USP1: variants seen among roughly 807,000 people sequenced by gnomAD.
The protein encoded by USP1 is ubiquitin carboxyl-terminal hydrolase 1.
A neutral mutation model predicts 72.2 loss-of-function variants in USP1; 18 were observed. The observed-to-expected ratio is 0.25, with a 90% CI of 0.17 to 0.37. USP1 has a LOEUF of 0.37. Among genes scored for constraint, USP1 ranks in the 10% least tolerant of loss-of-function variants. The pLI is 1.00. For missense variants in USP1, 759 were observed against 884.9 expected (o/e 0.86, Z 1.81); for synonymous variants, 354 against 303.7 (o/e 1.17, Z -1.72).
At position 62,447,625 on chromosome 1, in the gene USP1, G is replaced by C. The variant is rs1331415238; in HGVS notation, c.1420+114G>C. 4.4e-6 allele frequency: 5 copies of C among 1,138,072 alleles called. No individual in the cohort carries two copies. The East Asian group carries it at 1.0e-4, about 23-fold the overall frequency. The allele number at this position is 1,138,072 out of a possible 1,614,324, so 70.5% of individuals were successfully genotyped here. Reference sequence around the variant, plus strand: ...GGGAGGGGAAAAAAGCTAGCTTTTAGTGTCTAATGTAACCTTTCTGCTTAT... The same window carrying C: ...GGGAGGGGAAAAAAGCTAGCTTTTACTGTCTAATGTAACCTTTCTGCTTAT... On this transcript the variant is annotated intron_variant, in intron 7 of 8. Transcript: ENST00000339950.
chr1:62,442,715 A>G (rs79818087), intron 4 of USP1, among the ~76,000 whole-genome samples: 4,777 of 152,322 alleles, frequency 0.031, 245 homozygotes, highest in East Asian at 0.27. Flanking sequence ...AAATTACAAA[A>G]AAGACCAGAC....
chr1:62,450,168 C>A, intron 8 of USP1, 78 bp from the exon 9 acceptor site: 1 of 1,506,188 alleles, frequency 6.6e-7, no homozygotes, highest in Non-Finnish European at 8.9e-7. Context: ...CAGATTTTTA[C>A]TTGGTTTCAG....
In USP1 at chr1:62,444,719, T is replaced by C; in HGVS notation, c.558-19T>C. ...ATCTTCAAAACTAGAATAGATGAAATGGAAATTTTTATTTATAGGGAACTC... is the reference window on the plus strand; with the variant it reads ...ATCTTCAAAACTAGAATAGATGAAACGGAAATTTTTATTTATAGGGAACTC... On this transcript the variant is annotated intron_variant, in intron 5 of 8. Transcript: ENST00000339950. 1 of 1,503,602 alleles carries C rather than the reference T, an allele frequency of 6.7e-7. No individual in the cohort carries two copies. The highest frequency in any genetic ancestry group is 1.5e-5 in the South Asian group (1 of 68,520). 93.1% of individuals were successfully genotyped at this position (1,503,602 alleles called of 1,614,324 possible).
chr1:62,449,447 A>G (rs1645198545), intron 8 of USP1, among the ~76,000 whole-genome samples: 1 of 152,168 alleles, frequency 6.6e-6, no homozygotes, highest in Non-Finnish European at 1.5e-5. Context: ...TCCTTTGTAC[A>G]TTAGTTGCTT....
chr1:62,446,080 A>C (rs11207969), intron 6 of USP1, among the ~76,000 whole-genome samples: 1 of 152,032 alleles, frequency 6.6e-6, no homozygotes, highest in Non-Finnish European at 1.5e-5. Context: ...AAACTGATGA[A>C]GGACATTGCA....
At chr1:62,443,007 AAAT>A in intron 4 of USP1, 149 bp from the exon 5 acceptor site, 1 of 840,088 alleles carries the variant, frequency 1.2e-6, no homozygotes, top group Non-Finnish European at 1.8e-6. Context: ...CAAAATAAAA[AAAT>A]AAAAAATAAG....
In USP1 at chr1:62,444,931, A is replaced by G. The variant is rs1227288892; in HGVS notation, c.751A>G (p.Met251Val). ...EEMNGINSIE[M>V]DSMRHSEDFK... ...AATGAATGGTATTAACAGCATAGAG[A>G]TGGACAGTATGAGGCATTCTGAAGA... The change falls in exon 6 of 9, where the codon ATG becomes GTG. Residue 251 changes from methionine (M) to valine (V), a missense_variant. Around this residue, in one of 9 missense-constraint regions of USP1, gnomAD observed 245 missense variants for 240.7 expected, o/e 1.02. Transcript: ENST00000339950. The G allele has an allele frequency of 6.2e-7, 1 of 1,613,828 alleles. No individual in the cohort carries two copies. The highest frequency in any genetic ancestry group is 8.5e-7 in the Non-Finnish European group (1 of 1,179,868).
Position 62,445,396 on chromosome 1 carries a change from G to T in USP1, c.1216G>T (p.Val406Leu). 6.3e-7 allele frequency: 1 copy of T among 1,583,678 alleles called. No individual in the cohort carries two copies. Among genetic ancestry groups the T allele is most frequent in the Non-Finnish European group, 8.6e-7 (1 of 1,168,270 alleles). ...ATCTCCAGGAAATACTGTTACACCT[G>T]TAAATGTTAATGAAGTTAAACCCAT... is the stretch of plus-strand genomic sequence containing the variant. ...LESPGNTVTPVNVNEVKPINK... is the reference protein window; with the variant it reads ...LESPGNTVTPLNVNEVKPINK... The change falls in exon 6 of 9, where the codon GTA (valine) becomes TTA (leucine). Residue 406 changes from valine to leucine, a missense_variant. Transcript: ENST00000339950.
chr1:62,441,751 A>G (rs1196161098), intron 3 of USP1, 143 bp downstream of exon 3: 1 of 1,020,252 alleles, frequency 9.8e-7, no homozygotes, highest in Non-Finnish European at 1.4e-6. Context: ...GGCTAAAATA[A>G]TAAGTTACAT....
intron 2 of USP1, 92 bp downstream of exon 2, chr1:62,440,129 G>C: frequency 7.5e-6 from 9 of 1,200,730 alleles, no homozygotes; most frequent in Non-Finnish European, 9.9e-6. Context: ...ATAGTCTGTA[G>C]CGGCACAAAA....
At chr1:62,439,654 T>C (rs1031820416) in intron 1 of USP1, 145 bp from the exon 2 acceptor site, 4 of 415,438 alleles carry the variant, frequency 9.6e-6, no homozygotes, top group Admixed American at 4.4e-5. Context: ...GCAATAAATA[T>C]TGAGTGCTTA....
In USP1 at chr1:62,451,008, A is replaced by G; in HGVS notation, c.*27A>G. 1.3e-6 allele frequency: 2 copies of G among 1,531,044 alleles called. No homozygotes were observed. The highest frequency in any genetic ancestry group is 1.4e-5 in the African/African-American group (1 of 72,212). The allele number at this position is 1,531,044 out of a possible 1,614,324, so 94.8% of individuals were successfully genotyped here. On this transcript the variant is annotated 3_prime_UTR_variant, in exon 9 of 9. Coordinates refer to ENST00000339950, the MANE Select transcript of USP1 (RefSeq NM_003368.5). ...GTGAGTGTATTTTCCTTGTGTATAT[A>G]TTAAACACACCCATACAAACATTGG...
In USP1 at chr1:62,451,000, G is replaced by T. The variant is rs1645212604; in HGVS notation, c.*19G>T. The T allele has an allele frequency of 2.6e-6, 4 of 1,550,392 alleles. No individual in the cohort carries two copies. Among genetic ancestry groups the T allele is most frequent in the Non-Finnish European group, 3.5e-6 (4 of 1,157,682 alleles). ...ATTATAGAGTGAGTGTATTTTCCTT[G>T]TGTATATATTAAACACACCCATACA... On this transcript the variant is annotated 3_prime_UTR_variant, in exon 9 of 9. Transcript: ENST00000339950.
intron 7 of USP1, 133 bp from the exon 8 acceptor site, chr1:62,448,332 G>C: frequency 1.2e-6 from 1 of 860,904 alleles, no homozygotes; most frequent in Non-Finnish European, 1.8e-6. Context: ...GTTTCTGAAA[G>C]TAAAAATCTC....
Position 62,450,832 on chromosome 1 carries a change from G to C in USP1, c.2209G>C (p.Val737Leu), listed in dbSNP as rs144817155. 1.2e-6 allele frequency: 2 copies of C among 1,614,064 alleles called. No individual in the cohort carries two copies. Among genetic ancestry groups the C allele is most frequent in the Non-Finnish European group, 1.7e-6 (2 of 1,179,982 alleles). Residue 737 changes from valine to leucine, a missense_variant, in exon 9 of 9, where the codon GTG (valine) becomes CTG (leucine). Physicochemically the swap from Val to Leu is conservative, Grantham distance 32 (BLOSUM62 1). Coordinates refer to ENST00000339950, the MANE Select transcript of USP1 (RefSeq NM_003368.5). ...SGFENKISYV[V>L]QSLKEYEGKW... Reference sequence around the variant, plus strand: ...ATTTGAGAACAAAATTTCATACGTAGTGCAAAGCTTAAAGGAGTATGAGGG... The same window carrying C: ...ATTTGAGAACAAAATTTCATACGTACTGCAAAGCTTAAAGGAGTATGAGGG...
chr1:62,441,355 A>C, intron 2 of USP1, 133 bp from the exon 3 acceptor site: 1 of 1,101,138 alleles, frequency 9.1e-7, no homozygotes, highest in Non-Finnish European at 1.2e-6. Context: ...ATTTCTTAAA[A>C]TGTCATCTGA....
chr1:62,439,844 A>G lies in USP1; in HGVS notation c.-24A>G. 7.3e-7 allele frequency: 1 copy of G among 1,365,708 alleles called. No individual in the cohort carries two copies. The highest frequency in any genetic ancestry group is 9.5e-7 in the Non-Finnish European group (1 of 1,050,052). 84.6% of individuals were successfully genotyped at this position (1,365,708 alleles called of 1,614,324 possible). On this transcript the variant is annotated 5_prime_UTR_variant, in exon 2 of 9. Transcript: ENST00000339950. The stretch of plus-strand genomic sequence containing the variant: ...TTTCCTCTATAAATTAACTCTTGAC[A>G]CTCCTTGGGATTTGAAGAAAAAAAT...
chr1:62,440,308 T>A (rs1302418460), intron 2 of USP1, among the ~76,000 whole-genome samples: 4 of 152,114 alleles, frequency 2.6e-5, no homozygotes, highest in Admixed American at 2.6e-4. Context: ...ATTGTCTTTC[T>A]GAGTTTAAAT....
chr1:62,443,431 A>G (rs1571133519), intron 5 of USP1, 112 bp downstream of exon 5: 1 of 1,120,132 alleles, frequency 8.9e-7, no homozygotes, highest in Non-Finnish European at 1.2e-6. Context: ...TAGAAACTCT[A>G]GGTCCACAGT....
Sources: allele counts gnomAD v4.1 joint callset (sites outside exome capture counted in the v4.1 genomes callset), GRCh38; gene constraint gnomAD v4.1.1; regional missense constraint gnomAD v4.1.1; transcripts MANE v1.5; gene names NCBI Gene and HGNC (gene_info 2026-07-23, HGNC 2026-07-21).